PLXNA1: variants seen among roughly 807,000 people sequenced by gnomAD.
The protein encoded by PLXNA1 is plexin-A1.
PLXNA1 carries 77 observed loss-of-function variants against 191.7 expected under a neutral mutation model. The observed-to-expected ratio is 0.40, with a 90% CI of 0.33 to 0.49. The LOEUF (loss-of-function observed/expected upper bound fraction) is 0.49. Among genes scored for constraint, PLXNA1 ranks in the 20% least tolerant of loss-of-function variants. PLXNA1 has a pLI of 0.63. For synonymous variants in PLXNA1, 1,137 were observed against 1,156.4 expected (o/e 0.98, Z 0.34); for missense variants, 2,110 against 2,660.2 (o/e 0.79, Z 4.55).
intron 15 of PLXNA1, among the ~76,000 whole-genome samples, chr3:127,015,734 C>T (rs972069393): frequency 3.9e-5 from 6 of 152,178 alleles, no homozygotes; most frequent in African/African-American, 1.4e-4. Flanking sequence ...ATGGTAATTA[C>T]CCGTTATCAG....
chr3:127,008,219 T>C (rs1227203125), intron 9 of PLXNA1, among the ~76,000 whole-genome samples: 1 of 152,096 alleles, frequency 6.6e-6, no homozygotes, highest in African/African-American at 2.4e-5. Context: ...CCTGGGCCTC[T>C]GTGTGGGGGC....
At chr3:126,985,149 TG>T (rs2078952091) in intron 1 of PLXNA1, among the ~76,000 whole-genome samples, 1 of 152,114 alleles carries the variant, frequency 6.6e-6, no homozygotes, top group Non-Finnish European at 1.5e-5. Context: ...GGGAGGGCTT[TG>T]GGGGCCTTTG....
At chr3:126,990,807 T>C (rs1458637333) in intron 2 of PLXNA1, among the ~76,000 whole-genome samples, 5 of 152,220 alleles carry the variant, frequency 3.3e-5, no homozygotes, top group African/African-American at 1.2e-4. Context: ...GAACGTGTTT[T>C]CTCTGCACCA....
At chr3:126,985,008 G>A (rs1165001092) in intron 1 of PLXNA1, among the ~76,000 whole-genome samples, 1 of 152,178 alleles carries the variant, frequency 6.6e-6, no homozygotes, top group Non-Finnish European at 1.5e-5. Flanking sequence ...CGGAGTGCCA[G>A]GAGCAGCTGT....
In PLXNA1 at chr3:127,014,514, C is replaced by T. The variant is rs762983679; in HGVS notation, c.2641C>T (p.Arg881Trp). Residue 881 changes from arginine (R) to tryptophan (W), a missense_variant, in exon 13 of 32, where the codon CGG becomes TGG. By Grantham distance (101) the Arg-to-Trp change is moderately radical. Transcript: ENST00000393409. ...PETGPRQGGT[R>W]LTITGENLGL... ...GACGGGCCCGAGGCAGGGCGGCACG[C>T]GGCTCACTATCACAGGCGAGAACCT... 43 of 1,607,712 alleles carry T rather than the reference C, an allele frequency of 2.7e-5. No homozygotes were observed. The highest frequency in any genetic ancestry group is 3.3e-5 in the Non-Finnish European group (39 of 1,179,788).
At chr3:127,017,058 GC>G in intron 17 of PLXNA1, 21 bp downstream of exon 17, 4 of 1,599,654 alleles carry the variant, frequency 2.5e-6, no homozygotes, top group Non-Finnish European at 3.4e-6. Context: ...GCCCTCAGCT[GC>G]CCACCTCGGT....
chr3:127,034,223 C>G lies in PLXNA1; in HGVS notation c.*206C>G. 1.9e-6 allele frequency: 1 copy of G among 526,476 alleles called. No homozygotes were observed. Among genetic ancestry groups the G allele is most frequent in the Non-Finnish European group, 3.4e-6 (1 of 294,092 alleles). The allele number at this position is 526,476 out of a possible 1,614,324, so 32.6% of individuals were successfully genotyped here. A position where few individuals can be genotyped will look rare whatever the true frequency, so the allele number is the denominator to read the frequency against. ...GATGGTACCTGCCACACCACAGCTG[C>G]GCACACAGCTGCTTGCTCAGGGGCC... On this transcript the variant is annotated 3_prime_UTR_variant, in exon 32 of 32. Transcript: ENST00000393409.
At chr3:126,997,690 C>T (rs549168603) in intron 3 of PLXNA1, among the ~76,000 whole-genome samples, 1 of 152,372 alleles carries the variant, frequency 6.6e-6, no homozygotes, top group East Asian at 1.9e-4. Context: ...ATGCAGGGAG[C>T]GACCTGCTGT....
intron 3 of PLXNA1, among the ~76,000 whole-genome samples, chr3:126,994,464 A>G (rs2079005562): frequency 6.6e-6 from 1 of 152,078 alleles, no homozygotes; most frequent in African/African-American, 2.4e-5. Flanking sequence ...CACAGGCCAC[A>G]TGGGCAGAGG....
At chr3:127,016,819 A>G in intron 16 of PLXNA1, 125 bp from the exon 17 acceptor site, 1 of 1,386,492 alleles carries the variant, frequency 7.2e-7, no homozygotes, top group Non-Finnish European at 1.0e-6. Flanking sequence ...CCCCTTGCCA[A>G]GAGCTTTTAC....
intron 3 of PLXNA1, among the ~76,000 whole-genome samples, chr3:126,993,100 C>T (rs1297653212): frequency 6.6e-6 from 1 of 152,166 alleles, no homozygotes; most frequent in Non-Finnish European, 1.5e-5. Flanking sequence ...CCAGGGGCAC[C>T]GTTTGGGTCA....
At chr3:126,987,760 A>T (rs981176447) in intron 1 of PLXNA1, among the ~76,000 whole-genome samples, 32 of 143,972 alleles carry the variant, frequency 2.2e-4, no homozygotes, top group Admixed American at 4.1e-4. Context: ...GAGCCTGGGA[A>T]GGGGCCGTGT....
intron 1 of PLXNA1, among the ~76,000 whole-genome samples, chr3:126,985,940 C>T (rs2078956328): frequency 6.7e-6 from 1 of 150,074 alleles, no homozygotes; most frequent in South Asian, 2.1e-4. Context: ...GGCCGGCAAC[C>T]CTGTGACCCC....
Position 127,030,083 on chromosome 3 carries a change from T to TG in PLXNA1, c.5061+24dup, listed in dbSNP as rs1559966986. 4 of 1,608,646 alleles carry TG rather than the reference T, an allele frequency of 2.5e-6. No individual in the cohort carries two copies. The highest frequency in any genetic ancestry group is 3.4e-6 in the Non-Finnish European group (4 of 1,175,960). On this transcript the variant is annotated intron_variant, in intron 28 of 31. Transcript: ENST00000393409. ...CACCAAGGTGGGCCTGGCTGGCAGA[T>TG]GGGGGCAGGGGACGCTGGGCCAACT...
intron 2 of PLXNA1, among the ~76,000 whole-genome samples, chr3:126,990,631 G>A (rs2078985612): frequency 6.6e-6 from 1 of 152,208 alleles, no homozygotes; most frequent in African/African-American, 2.4e-5. Flanking sequence ...CTCTCTGGCT[G>A]TAGTCTCCCA....
intron 7 of PLXNA1, among the ~76,000 whole-genome samples, chr3:127,005,870 G>A (rs534472403): frequency 1.9e-4 from 29 of 152,200 alleles, no homozygotes; most frequent in Admixed American, 1.3e-3. Context: ...GAGTCTCGCG[G>A]TTCTCAACCC....
chr3:127,006,251 T>C (rs2079068672), intron 8 of PLXNA1, 73 bp downstream of exon 8: 1 of 1,163,736 alleles, frequency 8.6e-7, no homozygotes, highest in South Asian at 1.2e-5. Flanking sequence ...GTGGTCCCAC[T>C]GTGCTTGCTG....
In PLXNA1 at chr3:127,029,735, C is replaced by T. The variant is rs916760169; in HGVS notation, c.4871-139C>T. The T allele has an allele frequency of 6.2e-6, 7 of 1,126,138 alleles. No individual in the cohort carries two copies. The African/African-American group carries it at 9.3e-5, about 15-fold the overall frequency. The allele number at this position is 1,126,138 out of a possible 1,614,324, so 69.8% of individuals were successfully genotyped here. A position where few individuals can be genotyped will look rare whatever the true frequency, so the allele number is the denominator to read the frequency against. ...GACTGTGTGTCCGTACACAATTATG[C>T]CACCTCTGTGGTGTCATCGGCTGCC... On this transcript the variant is annotated intron_variant, in intron 27 of 31. Coordinates refer to ENST00000393409, the MANE Select transcript of PLXNA1 (RefSeq NM_032242.4).
Position 126,989,298 on chromosome 3 carries a change from G to A in PLXNA1, c.705G>A (p.Thr235=), listed in dbSNP as rs369896128. 3.7e-6 allele frequency: 6 copies of A among 1,613,562 alleles called. No homozygotes were observed. Among genetic ancestry groups the A allele is most frequent in the African/African-American group, 2.7e-5 (2 of 74,958 alleles). Residue 235 remains threonine (T), a synonymous_variant, in exon 2 of 32, where the codon ACG becomes ACA. Coordinates refer to ENST00000393409, the MANE Select transcript of PLXNA1 (RefSeq NM_032242.4). The part of the protein sequence containing the change: ...VSSQLKIPSD[T]LSKFPAFDIY... ...CACAGCTCAAGATCCCTTCGGACACGCTGTCCAAGTTCCCGGCCTTTGACA... is the reference window on the plus strand; with the variant it reads ...CACAGCTCAAGATCCCTTCGGACACACTGTCCAAGTTCCCGGCCTTTGACA...
Sources: gnomAD v4.1 joint callset for allele counts (sites outside exome capture counted in the v4.1 genomes callset) on GRCh38, gnomAD v4.1.1 for gene constraint, MANE v1.5 for transcripts, NCBI Gene and HGNC (gene_info 2026-07-23, HGNC 2026-07-21) for gene names.